The following KCNK2 variants were observed in gnomAD, a reference collection of about 807,000 sequenced individuals.
KCNK2 encodes potassium channel subfamily K member 2.
A neutral mutation model predicts 40.5 loss-of-function variants in KCNK2; 21 were observed. That is an observed-to-expected ratio of 0.52 (90% CI 0.37 to 0.75). The LOEUF (loss-of-function observed/expected upper bound fraction) is 0.75. KCNK2 is among the 30% of genes least tolerant of loss of function. The pLI, the probability that KCNK2 is intolerant of heterozygous loss-of-function variation, is 0.00. For synonymous variants in KCNK2, 191 were observed against 202.2 expected (o/e 0.94, Z 0.47); for missense variants, 399 against 531.6 (o/e 0.75, Z 2.45).
At chr1:215,031,183 C>CT (rs1657177263) in intron 1 of KCNK2, among the ~76,000 whole-genome samples, 1 of 152,074 alleles carries the variant, frequency 6.6e-6, no homozygotes, top group Non-Finnish European at 1.5e-5. Flanking sequence ...AGTCCTCTGA[C>CT]TTTTTTACCT....
chr1:215,009,485 G>C (rs1000895154), intron 1 of KCNK2, among the ~76,000 whole-genome samples: 3 of 151,996 alleles, frequency 2.0e-5, no homozygotes, highest in Non-Finnish European at 2.9e-5. Context: ...CTTTGAAGTG[G>C]AGAGAGAAGC....
chr1:215,030,475 C>T (rs1473136858), intron 1 of KCNK2, among the ~76,000 whole-genome samples: 1 of 151,918 alleles, frequency 6.6e-6, no homozygotes, highest in East Asian at 1.9e-4. Flanking sequence ...AAAGTCATCA[C>T]CAAAGCCACA....
chr1:215,230,501 A>G (rs1293863974), intron 6 of KCNK2, among the ~76,000 whole-genome samples: 1 of 105,154 alleles, frequency 9.5e-6, no homozygotes, highest in African/African-American at 4.1e-5. Flanking sequence ...ACACACACAC[A>G]CGGCTGTATA....
intron 6 of KCNK2, among the ~76,000 whole-genome samples, chr1:215,199,867 A>T (rs1438444372): frequency 6.6e-6 from 1 of 152,180 alleles, no homozygotes; most frequent in African/African-American, 2.4e-5. Context: ...ACACACAGGC[A>T]TACCTCAGGT....
chr1:215,235,412 C>T lies in KCNK2; in HGVS notation c.*267C>T. On this transcript the variant is annotated 3_prime_UTR_variant, in exon 7 of 7. Coordinates refer to ENST00000444842, the MANE Select transcript of KCNK2 (RefSeq NM_001017425.3). The stretch of plus-strand genomic sequence containing the variant: ...GCCTTTTTGTGCCCAGACTGTTTTC[C>T]TCTCTCTTTCCCTAATGTGCCATAA... 2.6e-6 allele frequency: 1 copy of T among 389,694 alleles called. No individual in the cohort carries two copies. Among genetic ancestry groups the T allele is most frequent in the Non-Finnish European group, 4.7e-6 (1 of 213,874 alleles). 24.1% of individuals were successfully genotyped at this position (389,694 alleles called of 1,614,324 possible).
At position 215,169,244 on chromosome 1, in the gene KCNK2, G is replaced by C. The variant is rs1663586272; in HGVS notation, c.521G>C (p.Cys174Ser). Reference protein sequence around the residue: ...SPRTEGGKIFCIIYALLGIPL... With the variant: ...SPRTEGGKIFSIIYALLGIPL... ...CGCACAGAAGGCGGCAAAATATTCT[G>C]TATCATCTATGCCTTACTGGGAATT... Residue 174 changes from cysteine to serine, a missense_variant, in exon 4 of 7, where the codon TGT becomes TCT. Coordinates refer to ENST00000444842, the MANE Select transcript of KCNK2 (RefSeq NM_001017425.3). 6.2e-7 allele frequency: 1 copy of C among 1,612,768 alleles called. No individual in the cohort carries two copies. The highest frequency in any genetic ancestry group is 8.5e-7 in the Non-Finnish European group (1 of 1,179,230).
chr1:215,209,970 A>T lies in KCNK2; in HGVS notation c.963+14878A>T, dbSNP rs1239033164. Reference sequence around the variant, plus strand: ...AAATAGGAAAATATATTTTATATATATTATATATATTATATATAATATATA... The same window carrying T: ...AAATAGGAAAATATATTTTATATATTTTATATATATTATATATAATATATA... On this transcript the variant is annotated intron_variant, in intron 6 of 6. Transcript: ENST00000444842. 2.9e-3 allele frequency among the ~76,000 whole-genome samples: 184 copies of T among 64,052 alleles called. 2 individuals carry two copies. Among genetic ancestry groups the T allele is most frequent in the African/African-American group, 0.011 (177 of 15,790 alleles). The allele number at this position is 64,052 out of a possible 152,430, so 42.0% of individuals were successfully genotyped here. A position where few individuals can be genotyped will look rare whatever the true frequency, so the allele number is the denominator to read the frequency against.
In KCNK2 at chr1:215,015,014, G is replaced by C. The variant is rs146216885; in HGVS notation, c.34+9059G>C. Among the ~76,000 whole-genome samples, 3 of 152,270 alleles carry C rather than the reference G, an allele frequency of 2.0e-5. No individual in the cohort carries two copies. In the East Asian group the frequency reaches 5.8e-4, roughly 29 times the overall value. Reference sequence around the variant, plus strand: ...TGTAGAAGTCCGCTCCTTTCATCCAGGCACAATGTGAGAGGTCAGGAAAGC... The same window carrying C: ...TGTAGAAGTCCGCTCCTTTCATCCACGCACAATGTGAGAGGTCAGGAAAGC... On this transcript the variant is annotated intron_variant, in intron 1 of 6. Coordinates refer to the KCNK2 transcript ENST00000391895.
At chr1:215,103,411 A>G (rs1170090526) in intron 2 of KCNK2, among the ~76,000 whole-genome samples, 2 of 152,060 alleles carry the variant, frequency 1.3e-5, no homozygotes, top group African/African-American at 4.8e-5. Context: ...ATTTTGTATT[A>G]AAAATCTTCC....
chr1:215,021,700 C>T (rs931289364), intron 1 of KCNK2, among the ~76,000 whole-genome samples: 1 of 152,042 alleles, frequency 6.6e-6, no homozygotes, highest in African/African-American at 2.4e-5. Context: ...CGCCCGCCAC[C>T]ACGCCTGGCT....
intron 1 of KCNK2, among the ~76,000 whole-genome samples, chr1:215,025,440 T>C (rs886932712): frequency 1.3e-5 from 2 of 152,072 alleles, no homozygotes; most frequent in African/African-American, 4.8e-5. Flanking sequence ...TTCATTCTCC[T>C]ATATTTACCT....
At chr1:215,149,417 G>C (rs533831946) in intron 3 of KCNK2, among the ~76,000 whole-genome samples, 2 of 152,098 alleles carry the variant, frequency 1.3e-5, no homozygotes, top group African/African-American at 4.8e-5. Context: ...AGACTTCCTC[G>C]GCACATCTGT....
At chr1:215,007,173 G>A (rs11120460) in intron 1 of KCNK2, among the ~76,000 whole-genome samples, 1,207 of 76,828 alleles carry the variant, frequency 0.016, 125 homozygotes, top group African/African-American at 0.058. Flanking sequence ...ATATATATAT[G>A]TATGTGTGTG....
At chr1:215,180,496 C>T (rs1239681013) in intron 5 of KCNK2, among the ~76,000 whole-genome samples, 1 of 152,090 alleles carries the variant, frequency 6.6e-6, no homozygotes, top group East Asian at 1.9e-4. Context: ...TAGCAGGTAT[C>T]ATTTCTTTTT....
At chr1:215,022,590 G>T (rs1479582221) in intron 1 of KCNK2, among the ~76,000 whole-genome samples, 1 of 152,134 alleles carries the variant, frequency 6.6e-6, no homozygotes, top group Non-Finnish European at 1.5e-5. Flanking sequence ...GAGGGCACAG[G>T]ATATTTTTTT....
intron 1 of KCNK2, among the ~76,000 whole-genome samples, chr1:215,014,963 G>A (rs898862610): frequency 1.3e-5 from 2 of 152,134 alleles, no homozygotes; most frequent in Non-Finnish European, 2.9e-5. Context: ...TCTAAACTCC[G>A]AAATTAGAGT....
chr1:215,131,773 T>A (rs979438450), intron 3 of KCNK2, among the ~76,000 whole-genome samples: 1 of 152,086 alleles, frequency 6.6e-6, no homozygotes, highest in South Asian at 2.1e-4. Context: ...GAGCAACATT[T>A]CTCATATTTT....
chr1:215,233,451 TACAC>T lies in KCNK2; in HGVS notation c.964-1356_964-1353del, dbSNP rs35194601. 8.7e-5 allele frequency among the ~76,000 whole-genome samples: 13 copies of T among 149,138 alleles called. 1 individual carries two copies. In the South Asian group the frequency reaches 1.7e-3, roughly 19 times the overall value. ...TTGAAGTTTCATTTCTGTTTTTGAG[TACAC>T]ACACACACACACACACACACGTACA... On this transcript the variant is annotated intron_variant, in intron 6 of 6. Coordinates refer to ENST00000444842, the MANE Select transcript of KCNK2 (RefSeq NM_001017425.3).
chr1:215,115,955 G>GTTTTTT, intron 2 of KCNK2, among the ~76,000 whole-genome samples: 1 of 134,060 alleles, frequency 7.5e-6, no homozygotes, highest in Non-Finnish European at 1.6e-5. Flanking sequence ...TCTTCATCAT[G>GTTTTTT]TTTTTTTTTT....
Sources: allele counts gnomAD v4.1 joint callset (sites outside exome capture counted in the v4.1 genomes callset), GRCh38; gene constraint gnomAD v4.1.1; transcripts MANE v1.5; gene names NCBI Gene and HGNC (gene_info 2026-07-23, HGNC 2026-07-21).